ABCB1: variants seen among roughly 807,000 people sequenced by gnomAD.
The protein encoded by ABCB1 is ATP binding cassette subfamily B member 1, also known as ATP-dependent translocase ABCB1.
In ABCB1, 69 loss-of-function variants were observed where a neutral mutation model predicts 142.0. The ratio of observed to expected loss-of-function variants is 0.49; its 90% CI spans 0.40 to 0.59. ABCB1 has a LOEUF of 0.59. Ranked by LOEUF, ABCB1 falls within the 20% of genes least tolerant of loss-of-function variation. The pLI, the probability that ABCB1 is intolerant of heterozygous loss-of-function variation, is 0.00. For synonymous variants in ABCB1, 532 were observed against 539.2 expected, an observed-to-expected ratio of 0.99 and a Z score of 0.18; for missense variants, 1,326 against 1,554.7, an observed-to-expected ratio of 0.85 and a Z score of 2.47.
chr7:87,711,728 C>A (rs1236592868), intron 1 of ABCB1, among the ~76,000 whole-genome samples: 1 of 152,132 alleles, frequency 6.6e-6, no homozygotes, highest in Non-Finnish European at 1.5e-5. Context: ...TGCTGTATCA[C>A]ATTTCAGATG....
chr7:87,574,874 T>G (rs931038270), intron 4 of ABCB1, among the ~76,000 whole-genome samples: 1 of 152,210 alleles, frequency 6.6e-6, no homozygotes, highest in Non-Finnish European at 1.5e-5. Flanking sequence ...TGTGAGGTCA[T>G]AGAAAACTGA....
intron 1 of ABCB1, among the ~76,000 whole-genome samples, chr7:87,674,176 A>G (rs1826095646): frequency 6.6e-6 from 1 of 152,144 alleles, no homozygotes; most frequent in Non-Finnish European, 1.5e-5. Context: ...AGTGGGATTC[A>G]TGCTCCTTCA....
intron 2 of ABCB1, among the ~76,000 whole-genome samples, chr7:87,598,008 T>A (rs1314476946): frequency 2.0e-5 from 3 of 152,148 alleles, no homozygotes; most frequent in African/African-American, 7.2e-5. Flanking sequence ...CAAGAACAGC[T>A]GTCTTACAGA....
chr7:87,577,718 T>C (rs1188985553), intron 4 of ABCB1, among the ~76,000 whole-genome samples: 6 of 152,252 alleles, frequency 3.9e-5, no homozygotes, highest in Non-Finnish European at 8.8e-5. Context: ...GCCATTTGTA[T>C]AGCTTCTTTT....
intron 21 of ABCB1, among the ~76,000 whole-genome samples, chr7:87,529,116 G>A (rs564409980): frequency 1.3e-5 from 2 of 152,336 alleles, no homozygotes; most frequent in South Asian, 2.1e-4. Flanking sequence ...AATGACTTCT[G>A]TAAGAATGTA....
rs3842 is a variant in ABCB1 at position 87,504,050 on chromosome 7, T to C, written c.*193A>G. 0.16 allele frequency: 101,318 copies of C among 651,800 alleles called. 8,333 individuals carry two copies. Among genetic ancestry groups the C allele is most frequent in the East Asian group, 0.28 (10,054 of 36,262 alleles). The allele number at this position is 651,800 out of a possible 1,614,324, so 40.4% of individuals were successfully genotyped here. ...AAAATTTATAATGCAGTTTAAACTA[T>C]GATTTCTCTCCACTTGATGATGTCT... On this transcript the variant is annotated 3_prime_UTR_variant, in exon 28 of 28. Transcript: ENST00000622132.
At chr7:87,624,290 T>A (rs1000936106) in intron 1 of ABCB1, among the ~76,000 whole-genome samples, 2 of 152,306 alleles carry the variant, frequency 1.3e-5, no homozygotes, top group South Asian at 2.1e-4. Context: ...AAAACTTACA[T>A]CTTCAATGTT....
In ABCB1 at chr7:87,549,837, C is replaced by A. The variant is rs1043068192; in HGVS notation, c.1554+14G>T. 5 of 1,614,006 alleles carry A rather than the reference C, an allele frequency of 3.1e-6. No homozygotes were observed. Among genetic ancestry groups the A allele is most frequent in the Non-Finnish European group, 3.4e-6 (4 of 1,179,942 alleles). ...TTTGCACCTCTAGAAAGGCAAAGGGCAAGGACAACTTACATGAGGCAGTTT... is the reference window on the plus strand; with the variant it reads ...TTTGCACCTCTAGAAAGGCAAAGGGAAAGGACAACTTACATGAGGCAGTTT... On this transcript the variant is annotated intron_variant, in intron 13 of 27. Transcript: ENST00000622132.
chr7:87,585,024 A>G (rs141154704), intron 4 of ABCB1, among the ~76,000 whole-genome samples: 1 of 151,844 alleles, frequency 6.6e-6, no homozygotes, highest in African/African-American at 2.4e-5. Flanking sequence ...AGCCCAACAT[A>G]TAACAATGTC....
At chr7:87,643,553 G>A (rs1467259221) in intron 1 of ABCB1, among the ~76,000 whole-genome samples, 1 of 152,058 alleles carries the variant, frequency 6.6e-6, no homozygotes, top group Non-Finnish European at 1.5e-5. Context: ...AGGGAGTCTG[G>A]CTCTGTTGCC....
intron 1 of ABCB1, among the ~76,000 whole-genome samples, chr7:87,689,991 T>TA (rs2130639873): frequency 6.6e-6 from 1 of 151,976 alleles, no homozygotes; most frequent in Middle Eastern, 3.4e-3. Context: ...GATTTTTTTT[T>TA]AAAAATTTTT....
intron 1 of ABCB1, among the ~76,000 whole-genome samples, chr7:87,689,764 G>T (rs1827844699): frequency 6.6e-6 from 1 of 151,914 alleles, no homozygotes; most frequent in African/African-American, 2.4e-5. Context: ...ATCATTTTAT[G>T]GTATTGTTAC....
At chr7:87,556,293 A>G (rs944623496) in intron 8 of ABCB1, among the ~76,000 whole-genome samples, 9 of 152,236 alleles carry the variant, frequency 5.9e-5, no homozygotes, top group Admixed American at 2.0e-4. Context: ...GCCAACAGAA[A>G]TAAATATTAA....
Position 87,550,523 on chromosome 7 carries a change from C to A in ABCB1, c.1169G>T (p.Gly390Val). Reference protein sequence around the residue: ...KSGHKPDNIKGNLEFRNVHFS... With the variant: ...KSGHKPDNIKVNLEFRNVHFS... ...GTGAACATTTCTGAATTCCAAATTT[C>A]CCTTAATATTATCTGGTTTGTGCCC... Residue 390 changes from glycine to valine, a missense_variant, in exon 11 of 28, where the codon GGA (glycine) becomes GTA (valine). Coordinates refer to ENST00000622132, the MANE Select transcript of ABCB1 (RefSeq NM_001348946.2). The A allele has an allele frequency of 6.2e-7, 1 of 1,613,522 alleles. No individual in the cohort carries two copies.
chr7:87,629,102 A>C (rs1323729287), intron 1 of ABCB1: 1 of 651,060 alleles, frequency 1.5e-6, no homozygotes, highest in Non-Finnish European at 2.2e-6. Context: ...AGCTCCTTGG[A>C]CAGGGGCCCG....
At chr7:87,701,695 G>A (rs937415211) in intron 1 of ABCB1, among the ~76,000 whole-genome samples, 7 of 152,136 alleles carry the variant, frequency 4.6e-5, no homozygotes, top group Admixed American at 6.5e-5. Context: ...TATCTGAAAA[G>A]ACTATTAAAA....
Position 87,645,023 on chromosome 7 carries a change from A to G in ABCB1, c.-330-43945T>C, listed in dbSNP as rs550135436. ...TTCTCTTGCTATGATGACAAAGGGA[A>G]AAAGGTAGTCCATGCTTTCTTAAGT... On this transcript the variant is annotated intron_variant, in intron 1 of 28. Coordinates refer to the ABCB1 transcript ENST00000265724. 1.3e-5 allele frequency among the ~76,000 whole-genome samples: 2 copies of G among 151,960 alleles called. 1 individual carries two copies. The highest frequency in any genetic ancestry group is 4.8e-5 in the African/African-American group (2 of 41,512).
intron 1 of ABCB1, among the ~76,000 whole-genome samples, chr7:87,672,995 G>GA (rs1825984340): frequency 6.6e-6 from 1 of 152,126 alleles, no homozygotes; most frequent in Admixed American, 6.5e-5. Flanking sequence ...CGGCCATCCT[G>GA]ACTACTCCCC....
Position 87,675,653 on chromosome 7 carries a change from C to CAA in ABCB1, c.-331+37506_-331+37507dup, listed in dbSNP as rs200136132. On this transcript the variant is annotated intron_variant, in intron 1 of 28. Coordinates refer to the ABCB1 transcript ENST00000265724. ...GTTCAGAAAACTGAATATTCACATG[C>CAA]AAAAAAAAAAAAAAAAAAAGGAAAA... Among the ~76,000 whole-genome samples the CAA allele has an allele frequency of 1.6e-3, 108 of 65,782 alleles. 1 individual carries two copies. The highest frequency in any genetic ancestry group is 2.8e-3 in the African/African-American group (49 of 17,344). The allele number at this position is 65,782 out of a possible 152,430, so 43.2% of individuals were successfully genotyped here.
Sources: allele counts gnomAD v4.1 joint callset (sites outside exome capture counted in the v4.1 genomes callset), GRCh38; gene constraint gnomAD v4.1.1; transcripts MANE v1.5; gene names NCBI Gene and HGNC (gene_info 2026-07-23, HGNC 2026-07-21).